ROBO1: variants seen among roughly 807,000 people sequenced by gnomAD.
ROBO1 encodes roundabout homolog 1.
Under a neutral mutation model 195.9 loss-of-function variants are expected in ROBO1, and 149 were observed. The observed-to-expected ratio is 0.76, with a 90% CI of 0.67 to 0.87. The LOEUF (loss-of-function observed/expected upper bound fraction) is 0.87. Ranked by LOEUF, ROBO1 falls within the 40% of genes least tolerant of loss-of-function variation. The pLI is 0.00. For synonymous variants in ROBO1, 816 were observed against 733.2 expected (o/e 1.11, Z -1.82); for missense variants, 1,933 against 2,068.3 (o/e 0.93, Z 1.27).
At position 79,473,189 on chromosome 3, in the gene ROBO1, A is replaced by G. The variant is rs1938375723; in HGVS notation, c.88+116635T>C. Reference sequence around the variant, plus strand: ...ACTCCAATGACTGGCATCCTTTATTAGAGAAAGTAGGAGATTGGAGAGACA... The same window carrying G: ...ACTCCAATGACTGGCATCCTTTATTGGAGAAAGTAGGAGATTGGAGAGACA... On this transcript the variant is annotated intron_variant, in intron 2 of 30. Coordinates refer to ENST00000464233, the MANE Select transcript of ROBO1 (RefSeq NM_002941.4). Among the ~76,000 whole-genome samples, 3 of 152,270 alleles carry G rather than the reference A, an allele frequency of 2.0e-5. No individual in the cohort carries two copies. The South Asian group carries it at 6.2e-4, about 32-fold the overall frequency.
At chr3:79,405,875 C>T (rs1559875652) in intron 2 of ROBO1, among the ~76,000 whole-genome samples, 1 of 152,030 alleles carries the variant, frequency 6.6e-6, no homozygotes, top group Non-Finnish European at 1.5e-5. Context: ...CAATAAATGG[C>T]TCCTAGATTT....
At chr3:79,121,123 G>C (rs1484650877) in intron 3 of ROBO1, among the ~76,000 whole-genome samples, 1 of 152,070 alleles carries the variant, frequency 6.6e-6, no homozygotes. Context: ...TGTCTTAGAG[G>C]GTTGTTGTAA....
At chr3:78,631,042 G>T in intron 25 of ROBO1, 119 bp downstream of exon 25, 1 of 1,066,768 alleles carries the variant, frequency 9.4e-7, no homozygotes, top group Non-Finnish European at 1.3e-6. Context: ...TTATTTAAAG[G>T]CAACTGTTTG....
chr3:78,823,471 TAACTC>T (rs1175620477), intron 4 of ROBO1, among the ~76,000 whole-genome samples: 2 of 152,144 alleles, frequency 1.3e-5, no homozygotes, highest in Admixed American at 1.3e-4. Context: ...GCTCATCAAA[TAACTC>T]AAAGCAAACA....
intron 4 of ROBO1, among the ~76,000 whole-genome samples, chr3:78,831,772 A>G (rs931061473): frequency 2.0e-5 from 3 of 152,232 alleles, no homozygotes; most frequent in African/African-American, 7.2e-5. Context: ...CATGGTGGAA[A>G]GCAAAGGATG....
intron 3 of ROBO1, among the ~76,000 whole-genome samples, chr3:78,942,904 C>T (rs756895648): frequency 6.6e-6 from 1 of 150,792 alleles, no homozygotes; most frequent in Non-Finnish European, 1.5e-5. Flanking sequence ...ATAGTGAGAC[C>T]CCATCTCTAA....
At chr3:79,695,809 G>T (rs936703262) in intron 1 of ROBO1, among the ~76,000 whole-genome samples, 1 of 150,956 alleles carries the variant, frequency 6.6e-6, no homozygotes, top group Non-Finnish European at 1.5e-5. Context: ...TAAACTACTG[G>T]GAATATAAAA....
chr3:79,520,071 A>G (rs1941142148), intron 2 of ROBO1, among the ~76,000 whole-genome samples: 1 of 151,330 alleles, frequency 6.6e-6, no homozygotes, highest in Non-Finnish European at 1.5e-5. Flanking sequence ...AGAAGGTAGG[A>G]GGATTGCTTG....
chr3:79,615,617 A>G (rs1029045434), intron 1 of ROBO1, among the ~76,000 whole-genome samples: 1 of 152,174 alleles, frequency 6.6e-6, no homozygotes, highest in African/African-American at 2.4e-5. Context: ...AAAAGAACAA[A>G]ATATGAGGAT....
intron 3 of ROBO1, among the ~76,000 whole-genome samples, chr3:79,111,327 G>T (rs770730126): frequency 6.6e-6 from 1 of 152,070 alleles, no homozygotes; most frequent in Non-Finnish European, 1.5e-5. Flanking sequence ...TTAGAGGATC[G>T]ATTGGGGAAT....
chr3:78,793,190 T>G (rs536210745), intron 4 of ROBO1, among the ~76,000 whole-genome samples: 1 of 151,684 alleles, frequency 6.6e-6, no homozygotes, highest in African/African-American at 2.4e-5. Flanking sequence ...AACAGAGTCT[T>G]AAATTTGCTA....
chr3:78,799,606 G>T (rs1310820683), intron 4 of ROBO1, among the ~76,000 whole-genome samples: 1 of 152,066 alleles, frequency 6.6e-6, no homozygotes, highest in Non-Finnish European at 1.5e-5. Flanking sequence ...CTCCCAAAGT[G>T]CTGGGATTAC....
At chr3:79,529,616 C>T (rs1048389972) in intron 2 of ROBO1, among the ~76,000 whole-genome samples, 1 of 152,172 alleles carries the variant, frequency 6.6e-6, no homozygotes, top group Non-Finnish European at 1.5e-5. Flanking sequence ...ACAGAGACAG[C>T]TAATAAGTGA....
At chr3:78,758,094 TC>T (rs1219562527) in intron 4 of ROBO1, among the ~76,000 whole-genome samples, 1 of 152,220 alleles carries the variant, frequency 6.6e-6, no homozygotes, top group Non-Finnish European at 1.5e-5. Flanking sequence ...TAAGACCTCC[TC>T]TGGATGATAG....
rs769664824 is a variant in ROBO1, at chr3:79,585,903, A to G, written c.88+3921T>C. ...TTGCCTATGAACAAGCAATCTCTAC[A>G]GGTTTTAAATGACATATATTTTCCT... is the stretch of plus-strand genomic sequence containing the variant. On this transcript the variant is annotated intron_variant, in intron 2 of 30. Coordinates refer to ENST00000464233, the MANE Select transcript of ROBO1 (RefSeq NM_002941.4). 6.3e-4 allele frequency among the ~76,000 whole-genome samples: 96 copies of G among 151,990 alleles called. 1 individual carries two copies. Among genetic ancestry groups the G allele is most frequent in the Non-Finnish European group, 1.8e-4 (12 of 67,958 alleles).
intron 2 of ROBO1, among the ~76,000 whole-genome samples, chr3:79,360,858 C>A (rs2035742386): frequency 6.6e-6 from 1 of 151,978 alleles, no homozygotes; most frequent in Non-Finnish European, 1.5e-5. Flanking sequence ...CTCTGAGGAC[C>A]AGTTCTTATT....
chr3:79,356,107 G>A (rs1018966281), intron 2 of ROBO1, among the ~76,000 whole-genome samples: 24 of 152,100 alleles, frequency 1.6e-4, no homozygotes, highest in Non-Finnish European at 2.5e-4. Flanking sequence ...TTGGGAGGCC[G>A]AGGCAGGCAG....
intron 2 of ROBO1, among the ~76,000 whole-genome samples, chr3:79,552,452 A>T (rs1210646909): frequency 6.6e-6 from 1 of 152,070 alleles, no homozygotes; most frequent in Non-Finnish European, 1.5e-5. Context: ...TTGTCTTTTT[A>T]AATTGAATGT....
chr3:78,723,566 CG>C (rs1161089208), intron 5 of ROBO1, among the ~76,000 whole-genome samples: 1 of 152,038 alleles, frequency 6.6e-6, no homozygotes, highest in Non-Finnish European at 1.5e-5. Flanking sequence ...TCCAAAACAG[CG>C]GTTCTTAATG....
Sources: allele counts gnomAD v4.1 joint callset (sites outside exome capture counted in the v4.1 genomes callset), GRCh38; gene constraint gnomAD v4.1.1; transcripts MANE v1.5; gene names NCBI Gene and HGNC (gene_info 2026-07-23, HGNC 2026-07-21).